Variants in PLPP3 observed in about 807,000 individuals in gnomAD.
PLPP3 encodes PAP2 beta.
In PLPP3, 6 loss-of-function variants were observed where a neutral mutation model predicts 29.6. The observed-to-expected ratio is 0.20, with a 90% confidence interval of 0.11 to 0.40. The LOEUF is 0.40. PLPP3 is among the 10% of genes least tolerant of loss of function. The pLI is 1.00. For synonymous variants in PLPP3, 152 were observed against 159.7 expected, an observed-to-expected ratio of 0.95 and a Z score of 0.36; for missense variants, 308 against 407.7, an observed-to-expected ratio of 0.76 and a Z score of 2.11.
At position 56,528,534 on chromosome 1, in the gene PLPP3, T is replaced by A. The variant is rs372395217; in HGVS notation, c.298-3980A>T. On this transcript the variant is annotated intron_variant, in intron 2 of 5. Transcript: ENST00000371250. ...GTGACTTTACCTCTCTGGGCTTAGA[T>A]GTCCTCATCTATAAAATAAGGTTAA... Among the ~76,000 whole-genome samples the A allele has an allele frequency of 2.1e-4, 32 of 152,222 alleles. 1 individual carries two copies. The highest frequency in any genetic ancestry group is 7.7e-4 in the African/African-American group (32 of 41,542).
intron 1 of PLPP3, among the ~76,000 whole-genome samples, chr1:56,558,866 TTCC>T (rs1427223289): frequency 6.6e-6 from 1 of 152,240 alleles, no homozygotes; most frequent in African/African-American, 2.4e-5. Flanking sequence ...CTCTTCATCT[TTCC>T]TCCTATTTGT....
chr1:56,505,302 A>G (rs1645694749), intron 5 of PLPP3, among the ~76,000 whole-genome samples: 1 of 152,232 alleles, frequency 6.6e-6, no homozygotes, highest in Admixed American at 6.5e-5. Flanking sequence ...GGATTGGAAA[A>G]GGTGGCTGAG....
At position 56,574,481 on chromosome 1, in the gene PLPP3, C is replaced by A. The variant is rs148343226; in HGVS notation, c.139+4397G>T. ...TATTGCCCAAGCTGATCTCGAACTC[C>A]TTAGCTCAAGTAATCCTCCTGCCTC... On this transcript the variant is annotated intron_variant, in intron 1 of 5. Transcript: ENST00000371250. Among the ~76,000 whole-genome samples the A allele has an allele frequency of 9.1e-4, 139 of 152,210 alleles. 1 individual carries two copies. The East Asian group carries it at 0.025, about 27-fold the overall frequency.
At chr1:56,577,893 C>G (rs1455686740) in intron 1 of PLPP3, among the ~76,000 whole-genome samples, 1 of 151,806 alleles carries the variant, frequency 6.6e-6, no homozygotes, top group Non-Finnish European at 1.5e-5. Context: ...ATGACAAGTA[C>G]TGTGCGTTTT....
At chr1:56,574,613 A>G (rs1646223687) in intron 1 of PLPP3, among the ~76,000 whole-genome samples, 1 of 152,184 alleles carries the variant, frequency 6.6e-6, no homozygotes, top group Non-Finnish European at 1.5e-5. Context: ...TTACCGGTTG[A>G]TTAATGAAAA....
chr1:56,536,919 A>T, intron 2 of PLPP3, 36 bp downstream of exon 2: 3 of 1,608,572 alleles, frequency 1.9e-6, no homozygotes, highest in Non-Finnish European at 2.6e-6. Flanking sequence ...GGAAGAAGTC[A>T]GACAGGATCC....
intron 1 of PLPP3, among the ~76,000 whole-genome samples, chr1:56,574,829 G>T (rs111873637): frequency 9.7e-4 from 148 of 152,336 alleles, no homozygotes; most frequent in African/African-American, 3.5e-3. Flanking sequence ...AAGAGGGGCA[G>T]TGGGTATGTT....
chr1:56,524,417 G>A lies in PLPP3; in HGVS notation c.435C>T (p.Asp145=), dbSNP rs1409959667. Residue 145 remains aspartate (D), a synonymous_variant, in exon 3 of 6, where the codon GAC becomes GAT. Transcript: ENST00000371250. The surrounding 1 kb of genome is among the most constrained non-coding windows in gnomAD (Gnocchi z 4.3). ...GGCGCCCTATGGACACTTTGGCAAT[G>A]TCTGTGAAAGACTGGCTGATGGCAC... is the stretch of plus-strand genomic sequence containing the variant. The part of the protein sequence containing the change: ...FGCAISQSFT[D]IAKVSIGRLR... 6.2e-7 allele frequency: 1 copy of A among 1,614,146 alleles called. No individual in the cohort carries two copies. The highest frequency in any genetic ancestry group is 8.5e-7 in the Non-Finnish European group (1 of 1,179,972).
chr1:56,578,025 C>G (rs1646247894), intron 1 of PLPP3, among the ~76,000 whole-genome samples: 1 of 152,142 alleles, frequency 6.6e-6, no homozygotes, highest in Non-Finnish European at 1.5e-5. Context: ...ATCCTCCTCG[C>G]CCTCCCACTC....
chr1:56,510,525 C>T (rs1645734927), intron 5 of PLPP3, among the ~76,000 whole-genome samples: 1 of 152,236 alleles, frequency 6.6e-6, no homozygotes, highest in African/African-American at 2.4e-5. Flanking sequence ...TTGACCCCTG[C>T]ACATGGAGTC....
At chr1:56,543,873 G>A (rs1287041799) in intron 1 of PLPP3, among the ~76,000 whole-genome samples, 1 of 152,134 alleles carries the variant, frequency 6.6e-6, no homozygotes, top group African/African-American at 2.4e-5. Context: ...GCAACTACGT[G>A]GTAGAAATGG....
rs567756946 is a variant in PLPP3, at chr1:56,517,926, C to G, written c.634-5774G>C. Among the ~76,000 whole-genome samples the G allele has an allele frequency of 3.3e-5, 5 of 152,298 alleles. No individual in the cohort carries two copies. In the East Asian group the frequency reaches 9.7e-4, roughly 29 times the overall value. ...TCTGAAGCTGAAGGGAGCCTAAGAGCTGACTCATTATACCTCATAGCAGAG... is the reference window on the plus strand; with the variant it reads ...TCTGAAGCTGAAGGGAGCCTAAGAGGTGACTCATTATACCTCATAGCAGAG... On this transcript the variant is annotated intron_variant, in intron 4 of 5. Coordinates refer to ENST00000371250, the MANE Select transcript of PLPP3 (RefSeq NM_003713.5).
chr1:56,577,455 T>C lies in PLPP3; in HGVS notation c.139+1423A>G, dbSNP rs1381758493. Among the ~76,000 whole-genome samples the C allele has an allele frequency of 3.3e-5, 5 of 152,178 alleles. No homozygotes were observed. In the East Asian group the frequency reaches 9.6e-4, roughly 29 times the overall value. ...CAGAGCACAATTATACCTTCAGCTG[T>C]CTCTTCTTACCTGAAGGGGGCCGTT... On this transcript the variant is annotated intron_variant, in intron 1 of 5. Transcript: ENST00000371250.
intron 1 of PLPP3, among the ~76,000 whole-genome samples, chr1:56,565,962 T>C (rs745788175): frequency 6.6e-6 from 1 of 152,202 alleles, no homozygotes; most frequent in South Asian, 2.1e-4. Flanking sequence ...TCTCATCTCA[T>C]CATTAGCAGA....
intron 1 of PLPP3, among the ~76,000 whole-genome samples, chr1:56,542,948 G>A (rs146724073): frequency 2.6e-5 from 4 of 151,928 alleles, no homozygotes; most frequent in East Asian, 3.9e-4. Flanking sequence ...CCCAGAAGGC[G>A]GAGGTTGCAG....
At chr1:56,515,881 A>T (rs1569871390) in intron 4 of PLPP3, among the ~76,000 whole-genome samples, 1 of 152,134 alleles carries the variant, frequency 6.6e-6, no homozygotes, top group Non-Finnish European at 1.5e-5. Context: ...TCTCTGTAAA[A>T]TAGGTAGAAC....
chr1:56,575,011 T>A (rs1288953470), intron 1 of PLPP3, among the ~76,000 whole-genome samples: 1 of 152,200 alleles, frequency 6.6e-6, no homozygotes, highest in East Asian at 1.9e-4. Flanking sequence ...AAGACTATAA[T>A]GACTGTCTCT....
intron 1 of PLPP3, among the ~76,000 whole-genome samples, chr1:56,554,858 T>G (rs1204108579): frequency 1.3e-5 from 2 of 152,176 alleles, no homozygotes; most frequent in Non-Finnish European, 2.9e-5. Context: ...TTAAATAAAA[T>G]GTGTCTTGGA....
intron 1 of PLPP3, among the ~76,000 whole-genome samples, chr1:56,556,948 C>A (rs1162976725): frequency 3.6e-5 from 2 of 55,624 alleles, no homozygotes; most frequent in East Asian, 4.5e-4. Context: ...GAGAGAGAGA[C>A]AGAGAGAAAG....
Sources: gnomAD v4.1 joint callset for allele counts (sites outside exome capture counted in the v4.1 genomes callset) on GRCh38, gnomAD v4.1.1 for gene constraint, Gnocchi (gnomAD v3.1) non-coding constraint, MANE v1.5 for transcripts, NCBI Gene and HGNC (gene_info 2026-07-23, HGNC 2026-07-21) for gene names.